The following RTTN variants were observed in gnomAD, a reference collection of about 807,000 sequenced individuals.
The protein encoded by RTTN is rotatin.
Under a neutral mutation model 269.2 loss-of-function variants are expected in RTTN, and 182 were observed. The ratio of observed to expected loss-of-function variants is 0.68; its 90% CI spans 0.60 to 0.76. The LOEUF (loss-of-function observed/expected upper bound fraction) is 0.76. RTTN is among the 30% of genes least tolerant of loss of function. The pLI, the probability that RTTN is intolerant of heterozygous loss-of-function variation, is 0.00. For missense variants in RTTN, 2,545 were observed against 2,608.6 expected (o/e 0.98, Z 0.53); for synonymous variants, 1,006 against 963.5 (o/e 1.04, Z -0.82).
At chr18:70,047,653 T>C (rs2057528929) in intron 40 of RTTN, among the ~76,000 whole-genome samples, 1 of 152,220 alleles carries the variant, frequency 6.6e-6, no homozygotes, top group Non-Finnish European at 1.5e-5. Context: ...TTTTGAACCA[T>C]AACTGCATTT....
At chr18:70,124,377 C>T (rs1291552273) in intron 25 of RTTN, among the ~76,000 whole-genome samples, 1 of 152,026 alleles carries the variant, frequency 6.6e-6, no homozygotes, top group Non-Finnish European at 1.5e-5. Flanking sequence ...AAACCCAAGG[C>T]ACATGAGAAA....
intron 27 of RTTN, among the ~76,000 whole-genome samples, chr18:70,112,072 G>C: frequency 6.6e-6 from 1 of 152,122 alleles, no homozygotes; most frequent in African/African-American, 2.4e-5. Context: ...ATAAGCAAAG[G>C]AGAAATAAAA....
At chr18:70,156,854 A>C (rs1182504538) in intron 14 of RTTN, among the ~76,000 whole-genome samples, 2 of 152,182 alleles carry the variant, frequency 1.3e-5, no homozygotes, top group Non-Finnish European at 2.9e-5. Flanking sequence ...GTTCGCTGCC[A>C]GAAGTAGAAA....
At chr18:70,079,422 T>G (rs1383883099) in intron 32 of RTTN, among the ~76,000 whole-genome samples, 3 of 152,122 alleles carry the variant, frequency 2.0e-5, no homozygotes, top group Non-Finnish European at 4.4e-5. Flanking sequence ...GCCCAGGATA[T>G]GCACAAAGGA....
At chr18:70,020,313 C>T (rs2145519526) in intron 45 of RTTN, among the ~76,000 whole-genome samples, 1 of 152,206 alleles carries the variant, frequency 6.6e-6, no homozygotes, top group South Asian at 2.1e-4. Flanking sequence ...TTATTATTTC[C>T]AATAAATGTA....
Position 70,128,388 on chromosome 18 carries a change from T to C in RTTN, c.3113A>G (p.Lys1038Arg), listed in dbSNP as rs980912410. ...SWYHGSDNLLKQMNSETKTQE... is the reference protein window; with the variant it reads ...SWYHGSDNLLRQMNSETKTQE... Reference sequence around the variant, plus strand: ...CGTTTTAGTTTCAGAGTTCATTTGCTTCAACAGATTATCACTCCCATGATA... The same window carrying C: ...CGTTTTAGTTTCAGAGTTCATTTGCCTCAACAGATTATCACTCCCATGATA... Residue 1038 changes from lysine to arginine, a missense_variant, in exon 24 of 49, where the codon AAG becomes AGG. Lys to Arg is a conservative substitution (Grantham distance 26). Coordinates refer to ENST00000640769, the MANE Select transcript of RTTN (RefSeq NM_173630.4). 1 of 1,612,770 alleles carries C rather than the reference T, an allele frequency of 6.2e-7. No homozygotes were observed. The highest frequency in any genetic ancestry group is 8.5e-7 in the Non-Finnish European group (1 of 1,179,262).
At chr18:70,169,215 C>G in intron 11 of RTTN, 148 bp from the exon 12 acceptor site, 1 of 571,750 alleles carries the variant, frequency 1.7e-6, no homozygotes, top group Non-Finnish European at 2.9e-6. Context: ...CAAAGAAAAT[C>G]CCATTTCCCA....
At chr18:70,043,734 G>T (rs11660541) in intron 40 of RTTN, among the ~76,000 whole-genome samples, 21,148 of 152,180 alleles carry the variant, frequency 0.14, 2,043 homozygotes, top group Non-Finnish European at 0.2. Context: ...AGACAAAAAG[G>T]AAACAAACAG....
intron 32 of RTTN, among the ~76,000 whole-genome samples, chr18:70,081,999 T>C (rs1227968121): frequency 6.6e-6 from 1 of 152,120 alleles, no homozygotes; most frequent in Non-Finnish European, 1.5e-5. Flanking sequence ...AAAATAACAT[T>C]TGGGGAATCT....
intron 46 of RTTN, 62 bp downstream of exon 46, chr18:70,017,345 T>G: frequency 7.0e-7 from 1 of 1,420,648 alleles, no homozygotes; most frequent in Non-Finnish European, 9.7e-7. Flanking sequence ...AATTATTTGG[T>G]GTTGACCTGA....
chr18:70,028,386 T>C (rs573759740), intron 43 of RTTN, among the ~76,000 whole-genome samples: 2 of 152,278 alleles, frequency 1.3e-5, no homozygotes, highest in South Asian at 2.1e-4. Flanking sequence ...TACAGATAGC[T>C]TCACTTATTT....
At chr18:70,042,969 G>A (rs2057389285) in intron 40 of RTTN, among the ~76,000 whole-genome samples, 1 of 152,208 alleles carries the variant, frequency 6.6e-6, no homozygotes, top group Non-Finnish European at 1.5e-5. Flanking sequence ...ACATAGCACA[G>A]AGGTAAAGGA....
chr18:70,101,542 A>T (rs2059166455), intron 28 of RTTN, among the ~76,000 whole-genome samples: 2 of 151,976 alleles, frequency 1.3e-5, no homozygotes, highest in South Asian at 4.2e-4. Context: ...TGGATTCACC[A>T]ATTTTTTTTA....
At chr18:70,016,670 C>T (rs1308216251) in intron 46 of RTTN, among the ~76,000 whole-genome samples, 4 of 152,244 alleles carry the variant, frequency 2.6e-5, no homozygotes, top group East Asian at 3.9e-4. Flanking sequence ...TACCAATCCT[C>T]GCCTCCATCT....
rs373643923 is a variant in RTTN at position 70,148,592 on chromosome 18, T to C, written c.2309+309A>G. On this transcript the variant is annotated intron_variant, in intron 17 of 48. Transcript: ENST00000640769. ...CTAAAGAGAAGATGGGAATGCACTA[T>C]AATTTTTACCATCTATTTATCTCCA... 2.7e-4 allele frequency among the ~76,000 whole-genome samples: 41 copies of C among 152,298 alleles called. 1 individual carries two copies. The highest frequency in any genetic ancestry group is 7.9e-4 in the African/African-American group (33 of 41,574).
intron 11 of RTTN, among the ~76,000 whole-genome samples, chr18:70,171,086 GA>G (rs1339181556): frequency 2.0e-5 from 3 of 152,166 alleles, no homozygotes; most frequent in Non-Finnish European, 2.9e-5. Context: ...CATCAAAAAG[GA>G]CACTGGATAC....
intron 10 of RTTN, 113 bp from the exon 11 acceptor site, chr18:70,176,958 C>T (rs1002942429): frequency 1.4e-6 from 1 of 715,236 alleles, no homozygotes; most frequent in African/African-American, 1.8e-5. Context: ...AATAGGAAAA[C>T]AAATCAAAAC....
Position 70,128,439 on chromosome 18 carries a change from A to G in RTTN, c.3062T>C (p.Leu1021Pro). Reference sequence around the variant, plus strand: ...CCATGACAGGTTCCAAGCTATTCTCAGCATATCTGACACCGGCTTCAAGGC... The same window carrying G: ...CCATGACAGGTTCCAAGCTATTCTCGGCATATCTGACACCGGCTTCAAGGC... ...CLALKPVSDM[L>P]RIAWNLSWYH... The change falls in exon 24 of 49, where the codon CTG (leucine) becomes CCG (proline). Residue 1021 changes from leucine (L) to proline (P), a missense_variant. Transcript: ENST00000640769. 1 of 1,613,418 alleles carries G rather than the reference A, an allele frequency of 6.2e-7. No homozygotes were observed. Among genetic ancestry groups the G allele is most frequent in the South Asian group, 1.1e-5 (1 of 91,056 alleles).
rs766130128 is a variant in RTTN at position 70,054,228 on chromosome 18, T to C, written c.5088A>G (p.Leu1696=). Residue 1696 remains leucine, a synonymous_variant, in exon 38 of 49, where the codon TTA becomes TTG. Transcript: ENST00000640769. ...SSLSRLLQSC[L]LVEPDLVIQD... is the part of the protein sequence containing the mutation. Reference sequence around the variant, plus strand: ...GAATCACAAGGTCAGGCTCCACCAATAAACATGACTGCAGAAGCCTGGACA... The same window carrying C: ...GAATCACAAGGTCAGGCTCCACCAACAAACATGACTGCAGAAGCCTGGACA... 6.2e-7 allele frequency: 1 copy of C among 1,613,900 alleles called. No individual in the cohort carries two copies. Among genetic ancestry groups the C allele is most frequent in the Non-Finnish European group, 8.5e-7 (1 of 1,179,922 alleles).
Sources: allele counts gnomAD v4.1 joint callset (sites outside exome capture counted in the v4.1 genomes callset), GRCh38; gene constraint gnomAD v4.1.1; transcripts MANE v1.5; gene names NCBI Gene and HGNC (gene_info 2026-07-23, HGNC 2026-07-21).